SLC35F1: variants seen among roughly 807,000 people sequenced by gnomAD.
SLC35F1 encodes the protein solute carrier family 35 member F1, also known as chromosome 6 open reading frame 169.
SLC35F1 carries 14 observed loss-of-function variants against 48.7 expected under a neutral mutation model. The ratio of observed to expected loss-of-function variants is 0.29; its 90% CI spans 0.19 to 0.45. The LOEUF is 0.45. Ranked by LOEUF, SLC35F1 falls within the 20% of genes least tolerant of loss-of-function variation. The probability of loss-of-function intolerance (pLI) is 1.00; values close to 1 mark genes in which losing one functional copy is unlikely to be tolerated. For missense variants in SLC35F1, 404 were observed against 500.0 expected (o/e 0.81, Z 1.83); for synonymous variants, 190 against 202.2 (o/e 0.94, Z 0.51).
At chr6:118,240,770 G>A (rs1287862817) in intron 3 of SLC35F1, among the ~76,000 whole-genome samples, 1 of 152,206 alleles carries the variant, frequency 6.6e-6, no homozygotes, top group African/African-American at 2.4e-5. Flanking sequence ...TTCAGGCTAA[G>A]CAGACAGCGT....
chr6:117,909,840 G>A (rs1246078907), intron 1 of SLC35F1, among the ~76,000 whole-genome samples: 2 of 152,144 alleles, frequency 1.3e-5, no homozygotes, highest in Admixed American at 6.5e-5. Context: ...GACATGAGTT[G>A]TACTAGTCCC....
At chr6:117,917,923 T>G (rs1366421955) in intron 1 of SLC35F1, among the ~76,000 whole-genome samples, 2 of 151,296 alleles carry the variant, frequency 1.3e-5, no homozygotes, top group Non-Finnish European at 2.9e-5. Flanking sequence ...GAAGGAAGGA[T>G]CTGAAGTAGG....
chr6:117,984,390 T>G (rs895083589), intron 1 of SLC35F1, among the ~76,000 whole-genome samples: 11 of 151,066 alleles, frequency 7.3e-5, no homozygotes, highest in Middle Eastern at 3.4e-3. Context: ...TCTCAGCTAC[T>G]CAGGAGGCTG....
At chr6:118,019,896 CATATT>C (rs1252727338) in intron 1 of SLC35F1, among the ~76,000 whole-genome samples, 4 of 152,092 alleles carry the variant, frequency 2.6e-5, no homozygotes, top group Non-Finnish European at 5.9e-5. Flanking sequence ...TATAGAATAA[CATATT>C]ATTCTAAAAA....
At chr6:117,981,261 G>A (rs973711460) in intron 1 of SLC35F1, among the ~76,000 whole-genome samples, 6 of 152,206 alleles carry the variant, frequency 3.9e-5, no homozygotes, top group South Asian at 2.1e-4. Context: ...TGCTGGAGTC[G>A]TGGAGATGAT....
At chr6:117,927,933 G>A (rs1378866877) in intron 1 of SLC35F1, among the ~76,000 whole-genome samples, 4 of 152,112 alleles carry the variant, frequency 2.6e-5, no homozygotes, top group African/African-American at 4.8e-5. Flanking sequence ...TAGATTTCTC[G>A]AGCCAGAGTT....
intron 1 of SLC35F1, among the ~76,000 whole-genome samples, chr6:117,947,600 A>T (rs1776311154): frequency 6.6e-6 from 1 of 152,188 alleles, no homozygotes; most frequent in Admixed American, 6.5e-5. Context: ...AAAAGGTGGT[A>T]GGATTCTGCA....
chr6:118,028,234 G>A (rs141974606), intron 1 of SLC35F1, among the ~76,000 whole-genome samples: 3 of 152,238 alleles, frequency 2.0e-5, no homozygotes, highest in African/African-American at 7.2e-5. Context: ...TAAGAGGTAA[G>A]TTTCTCTGTT....
At chr6:118,200,274 G>T (rs778667084) in intron 2 of SLC35F1, among the ~76,000 whole-genome samples, 1 of 152,124 alleles carries the variant, frequency 6.6e-6, no homozygotes, top group Non-Finnish European at 1.5e-5. Flanking sequence ...TTCAATAGGA[G>T]AAAAGAAACC....
chr6:117,939,691 G>C (rs771796564), intron 1 of SLC35F1, among the ~76,000 whole-genome samples: 8 of 152,186 alleles, frequency 5.3e-5, no homozygotes, highest in Non-Finnish European at 7.4e-5. Context: ...CTGTGGAGTT[G>C]ATGGAAGAGA....
chr6:118,254,680 A>T (rs866556216), intron 3 of SLC35F1, among the ~76,000 whole-genome samples: 2 of 152,212 alleles, frequency 1.3e-5, no homozygotes, highest in Non-Finnish European at 2.9e-5. Context: ...TCTCCATACT[A>T]TTATAATGTG....
intron 2 of SLC35F1, among the ~76,000 whole-genome samples, chr6:118,210,302 GTC>G (rs2114547417): frequency 1.3e-5 from 2 of 152,072 alleles, no homozygotes; most frequent in Non-Finnish European, 2.9e-5. Context: ...TTTCATGTTC[GTC>G]ATTTTCTAAT....
At chr6:118,268,601 T>TATATATATATATATATATA (rs59597751) in intron 4 of SLC35F1, among the ~76,000 whole-genome samples, 5 of 45,534 alleles carry the variant, frequency 1.1e-4, no homozygotes, top group South Asian at 9.4e-4. Flanking sequence ...TATATATATA[T>TATATATATATATATATATA]TTTTTTTTTT....
chr6:118,153,927 C>T (rs1299949926), intron 1 of SLC35F1, among the ~76,000 whole-genome samples: 1 of 152,008 alleles, frequency 6.6e-6, no homozygotes, highest in Non-Finnish European at 1.5e-5. Flanking sequence ...TTTGTGTAGC[C>T]CCTTCACCTA....
chr6:118,255,011 A>G (rs1775624538), intron 3 of SLC35F1, among the ~76,000 whole-genome samples: 1 of 152,176 alleles, frequency 6.6e-6, no homozygotes, highest in Non-Finnish European at 1.5e-5. Flanking sequence ...CCATTTTTCA[A>G]TAGCCTCAGA....
At chr6:118,225,801 G>A (rs916091063) in intron 2 of SLC35F1, among the ~76,000 whole-genome samples, 5 of 151,616 alleles carry the variant, frequency 3.3e-5, no homozygotes, top group African/African-American at 4.8e-5. Context: ...GCATGAACCC[G>A]GGAGGTGGAG....
At chr6:118,176,552 A>G (rs1450684585) in intron 2 of SLC35F1, among the ~76,000 whole-genome samples, 2 of 152,066 alleles carry the variant, frequency 1.3e-5, no homozygotes, top group South Asian at 4.1e-4. Context: ...TTGGTTATAG[A>G]GATTTGGGAA....
At chr6:118,007,511 T>C (rs942452103) in intron 1 of SLC35F1, among the ~76,000 whole-genome samples, 1 of 152,178 alleles carries the variant, frequency 6.6e-6, no homozygotes, top group African/African-American at 2.4e-5. Flanking sequence ...TGGCTCATGT[T>C]CCAAGCATAC....
intron 1 of SLC35F1, among the ~76,000 whole-genome samples, chr6:118,008,297 G>C (rs533812941): frequency 6.6e-6 from 1 of 150,902 alleles, no homozygotes; most frequent in Non-Finnish European, 1.5e-5. Context: ...AAAAAGCAGC[G>C]ACTATCACAT....
Sources: allele counts gnomAD v4.1 joint callset (sites outside exome capture counted in the v4.1 genomes callset), GRCh38; gene constraint gnomAD v4.1.1; transcripts MANE v1.5; gene names NCBI Gene and HGNC (gene_info 2026-07-23, HGNC 2026-07-21).